ODF2L: variants seen among roughly 807,000 people sequenced by gnomAD.
The protein encoded by ODF2L is protein BCAP.
A neutral mutation model predicts 86.3 loss-of-function variants in ODF2L; 76 were observed. That is an observed-to-expected ratio of 0.88 (90% confidence interval 0.73 to 1.07). The LOEUF is 1.07. Ranked by LOEUF, ODF2L falls within the 50% of genes least tolerant of loss-of-function variation. ODF2L has a pLI of 0.00. For synonymous variants in ODF2L, 241 were observed against 231.3 expected, an observed-to-expected ratio of 1.04 and a Z score of -0.38; for missense variants, 748 against 717.4, an observed-to-expected ratio of 1.04 and a Z score of -0.49.
chr1:86,377,749 C>CA (rs1161518915), intron 7 of ODF2L, among the ~76,000 whole-genome samples: 1 of 152,202 alleles, frequency 6.6e-6, no homozygotes, highest in Non-Finnish European at 1.5e-5. Flanking sequence ...TGCAGGGCAC[C>CA]AAGTCCCAAG....
chr1:86,394,901 C>G (rs542682464), intron 1 of ODF2L, among the ~76,000 whole-genome samples: 11 of 137,106 alleles, frequency 8.0e-5, no homozygotes, highest in Non-Finnish European at 1.7e-4. Flanking sequence ...AGTGCAGTGG[C>G]GCGATCTCGG....
intron 1 of ODF2L, among the ~76,000 whole-genome samples, chr1:86,395,562 TG>T (rs1196282446): frequency 1.3e-5 from 2 of 152,176 alleles, no homozygotes; most frequent in East Asian, 3.9e-4. Flanking sequence ...CTATAGGGGC[TG>T]GAACCTAGAG....
chr1:86,349,977 A>G (rs1658013582), downstream of ODF2L: 1 of 186,050 alleles, frequency 5.4e-6, no homozygotes, highest in African/African-American at 2.4e-5. Flanking sequence ...AATACTGCCC[A>G]CTTAACTGTC....
chr1:86,348,672 GTATATT>G, downstream of ODF2L: 2 of 1,181,292 alleles, frequency 1.7e-6, no homozygotes, highest in Non-Finnish European at 2.2e-6. Flanking sequence ...GTAACTGGTA[GTATATT>G]TATTTTTTTA....
intron 11 of ODF2L, among the ~76,000 whole-genome samples, chr1:86,362,272 T>A (rs1048476977): frequency 4.5e-5 from 6 of 132,602 alleles, no homozygotes; most frequent in Non-Finnish European, 1.0e-4. Context: ...TCTGACTAAA[T>A]TTTTTTTTTT....
intron 1 of ODF2L, among the ~76,000 whole-genome samples, chr1:86,392,627 T>C (rs1168585207): frequency 2.0e-5 from 3 of 151,970 alleles, no homozygotes; most frequent in Non-Finnish European, 4.4e-5. Flanking sequence ...TGCAAAGGGG[T>C]AAGAATGAAT....
chr1:86,354,865 A>G lies in ODF2L; in HGVS notation c.1519-6T>C. ...AGATTGTGATTTCCATCAACCTAAA[A>G]GAAAAAAAAAAGTTTTCTTAGTCAT... On this transcript the variant is annotated splice_region_variant and splice_polypyrimidine_tract_variant and intron_variant, in intron 14 of 17. Transcript: ENST00000317336. The G allele has an allele frequency of 6.5e-7, 1 of 1,543,606 alleles. No individual in the cohort carries two copies. The highest frequency in any genetic ancestry group is 1.2e-5 in the South Asian group (1 of 85,108).
chr1:86,363,544 GTC>G (rs572292765), intron 11 of ODF2L, among the ~76,000 whole-genome samples: 146 of 152,110 alleles, frequency 9.6e-4, no homozygotes, highest in African/African-American at 3.4e-3. Flanking sequence ...TTAAAAATGA[GTC>G]TCTCTTTTGA....
At chr1:86,390,763 G>A (rs1203444649) in intron 1 of ODF2L, among the ~76,000 whole-genome samples, 1 of 152,068 alleles carries the variant, frequency 6.6e-6, no homozygotes, top group Non-Finnish European at 1.5e-5. Flanking sequence ...TTCCCTCTGA[G>A]AACTGAAACA....
At position 86,382,236 on chromosome 1, in the gene ODF2L, T is replaced by A. The variant is rs373039920; in HGVS notation, c.624+6A>T. 6.3e-7 allele frequency: 1 copy of A among 1,599,878 alleles called. No homozygotes were observed. Among genetic ancestry groups the A allele is most frequent in the Non-Finnish European group, 8.5e-7 (1 of 1,175,046 alleles). On this transcript the variant is annotated splice_donor_region_variant and intron_variant, in intron 7 of 17. Coordinates refer to ENST00000317336, the Ensembl canonical transcript of ODF2L. ...CTATAAAAATGGATATATATTTATA[T>A]ATAACCTTTACATATTCTTTCAACT...
At chr1:86,380,366 A>T (rs4656044) in intron 7 of ODF2L, among the ~76,000 whole-genome samples, 22 of 152,118 alleles carry the variant, frequency 1.4e-4, no homozygotes, top group Admixed American at 1.4e-3. Context: ...CCCATAAAAC[A>T]TAAGTAGCTG....
chr1:86,383,143 A>T (rs201807990), exon 5 of ODF2L: 9 of 1,567,284 alleles, frequency 5.7e-6, no homozygotes, highest in Non-Finnish European at 7.0e-6. Context: ...CAGTATTTTC[A>T]CTTTCATTAT....
intron 8 of ODF2L, among the ~76,000 whole-genome samples, chr1:86,374,552 A>C (rs553682743): frequency 6.6e-4 from 101 of 152,290 alleles, no homozygotes; most frequent in African/African-American, 2.4e-3. Flanking sequence ...AGTGTGCAGA[A>C]TTATAGAGCA....
chr1:86,368,829 G>A, intron 10 of ODF2L: 1 of 943,654 alleles, frequency 1.1e-6, no homozygotes, highest in Non-Finnish European at 1.4e-6. Context: ...AACAAATAGG[G>A]AATCACCTAA....
At chr1:86,386,704 T>A in intron 2 of ODF2L, 1 of 413,682 alleles carries the variant, frequency 2.4e-6, no homozygotes. Context: ...TCATTTTTAA[T>A]TGCTTTCATT....
In ODF2L at chr1:86,376,229, A is replaced by G. The variant is rs1386732296; in HGVS notation, c.810+4T>C. Reference sequence around the variant, plus strand: ...TTAATTTTAAAAAGAATGCATTTACATACCTGATCTCTAATTTGGGAAGTA... The same window carrying G: ...TTAATTTTAAAAAGAATGCATTTACGTACCTGATCTCTAATTTGGGAAGTA... On this transcript the variant is annotated splice_donor_region_variant and intron_variant, in intron 8 of 17. Transcript: ENST00000317336. 2 of 1,566,312 alleles carry G rather than the reference A, an allele frequency of 1.3e-6. No individual in the cohort carries two copies. Among genetic ancestry groups the G allele is most frequent in the African/African-American group, 1.4e-5 (1 of 73,500 alleles).
intron 10 of ODF2L, among the ~76,000 whole-genome samples, chr1:86,369,102 TAATACTG>T (rs978787524): frequency 2.0e-5 from 3 of 152,290 alleles, no homozygotes; most frequent in Admixed American, 1.3e-4. Context: ...ACTCAAAAGA[TAATACTG>T]AATAAATTGT....
intron 6 of ODF2L, 105 bp from the exon 7 acceptor site, chr1:86,382,463 G>C: frequency 6.6e-7 from 1 of 1,524,450 alleles, no homozygotes. Flanking sequence ...CTAAACAGCT[G>C]ATAAAAAGCA....
intron 11 of ODF2L, among the ~76,000 whole-genome samples, chr1:86,361,349 C>A (rs1402364714): frequency 6.6e-6 from 1 of 152,168 alleles, no homozygotes; most frequent in Non-Finnish European, 1.5e-5. Flanking sequence ...TACAGAAGAA[C>A]AAACCTGAGT....
Sources: gnomAD v4.1 joint callset for allele counts (sites outside exome capture counted in the v4.1 genomes callset) on GRCh38, gnomAD v4.1.1 for gene constraint, MANE v1.5 for transcripts, NCBI Gene and HGNC (gene_info 2026-07-23, HGNC 2026-07-21) for gene names.